EPHB1: variants seen among roughly 807,000 people sequenced by gnomAD.
EPHB1 encodes EPH receptor B1.
EPHB1 carries 30 observed loss-of-function variants against 94.4 expected under a neutral mutation model. The observed-to-expected ratio is 0.32, with a 90% CI of 0.24 to 0.43. EPHB1 has a LOEUF of 0.43. Among genes scored for constraint, EPHB1 ranks in the 20% least tolerant of loss-of-function variants. The pLI is 1.00. For missense variants in EPHB1, 1,055 were observed against 1,308.3 expected, an observed-to-expected ratio of 0.81 and a Z score of 2.99; for synonymous variants, 522 against 489.1, an observed-to-expected ratio of 1.07 and a Z score of -0.89.
At chr3:135,097,575 G>A (rs17765097) in intron 3 of EPHB1, among the ~76,000 whole-genome samples, 50,527 of 152,050 alleles carry the variant, frequency 0.33, 8,838 homozygotes, top group South Asian at 0.42. Context: ...ACTTCCATGC[G>A]GATGCATTCT....
At chr3:135,197,460 T>G (rs553649493) in intron 11 of EPHB1, among the ~76,000 whole-genome samples, 25 of 152,346 alleles carry the variant, frequency 1.6e-4, no homozygotes, top group Admixed American at 1.2e-3. Flanking sequence ...GCAAACCTGT[T>G]AACTCAATTT....
rs369398582 is a variant in EPHB1 at position 134,916,387 on chromosome 3, C to T, written c.59-9429C>T. Among the ~76,000 whole-genome samples the T allele has an allele frequency of 7.2e-5, 11 of 152,224 alleles. No individual in the cohort carries two copies. The East Asian group carries it at 7.7e-4, about 11-fold the overall frequency. On this transcript the variant is annotated intron_variant, in intron 1 of 15. Coordinates refer to ENST00000398015, the MANE Select transcript of EPHB1 (RefSeq NM_004441.5). ...TCAGCCCTTGGGCGGTCGATGGGAC[C>T]GGACACCGTGGAGCAGGGGGCGGTG...
At chr3:135,030,131 T>G (rs1009345281) in intron 3 of EPHB1, among the ~76,000 whole-genome samples, 4 of 151,704 alleles carry the variant, frequency 2.6e-5, no homozygotes, top group African/African-American at 4.9e-5. Flanking sequence ...TCTTCTAAAT[T>G]TTTTTCAAAG....
chr3:135,243,594 C>T (rs1385807117), intron 13 of EPHB1, among the ~76,000 whole-genome samples: 1 of 152,224 alleles, frequency 6.6e-6, no homozygotes, highest in Admixed American at 6.5e-5. Context: ...AAGCTTCTTA[C>T]AACCTGGCCT....
chr3:134,795,834 C>T (rs534435470), intron 1 of EPHB1, 145 bp downstream of exon 1: 10 of 952,426 alleles, frequency 1.0e-5, no homozygotes, highest in Middle Eastern at 2.8e-4. Flanking sequence ...GAGCCTCGGC[C>T]GCTGCCGAGC....
intron 3 of EPHB1, among the ~76,000 whole-genome samples, chr3:135,059,802 A>T (rs1937443546): frequency 6.6e-6 from 1 of 152,042 alleles, no homozygotes; most frequent in African/African-American, 2.4e-5. Flanking sequence ...ATGGGTTCTG[A>T]CTCCAGTTCT....
In EPHB1 at chr3:134,842,740, G is replaced by C. The variant is rs368681778; in HGVS notation, c.58+47051G>C. 9.3e-4 allele frequency among the ~76,000 whole-genome samples: 142 copies of C among 152,190 alleles called. 1 individual carries two copies. The South Asian group carries it at 0.028, about 30-fold the overall frequency. On this transcript the variant is annotated intron_variant, in intron 1 of 15. Coordinates refer to ENST00000398015, the MANE Select transcript of EPHB1 (RefSeq NM_004441.5). ...TTGATTGTTCAATTCTCTTTGCCTG[G>C]AGTGCTTTTCCCACTGTTTCCATCT...
chr3:135,179,127 T>A (rs1332945962), intron 9 of EPHB1, among the ~76,000 whole-genome samples: 5 of 152,200 alleles, frequency 3.3e-5, no homozygotes, highest in African/African-American at 1.2e-4. Context: ...TATATATCAG[T>A]GACAAGGTCT....
chr3:134,799,960 C>T (rs1339045803), intron 1 of EPHB1, among the ~76,000 whole-genome samples: 1 of 152,074 alleles, frequency 6.6e-6, no homozygotes, highest in Non-Finnish European at 1.5e-5. Flanking sequence ...ATGTGTGCTT[C>T]CTATTTAGTA....
intron 5 of EPHB1, among the ~76,000 whole-genome samples, chr3:135,137,640 C>A (rs1030369972): frequency 5.9e-5 from 9 of 152,260 alleles, no homozygotes; most frequent in Admixed American, 5.9e-4. Context: ...CTGGCAAGAT[C>A]CCTCATTTCT....
At chr3:135,244,741 A>C (rs183156338) in intron 13 of EPHB1, among the ~76,000 whole-genome samples, 2 of 152,342 alleles carry the variant, frequency 1.3e-5, no homozygotes, top group Non-Finnish European at 2.9e-5. Context: ...ACTAAATTTT[A>C]TTGCTCAGAA....
At chr3:135,243,906 C>T (rs1421977921) in intron 13 of EPHB1, among the ~76,000 whole-genome samples, 1 of 152,160 alleles carries the variant, frequency 6.6e-6, no homozygotes, top group East Asian at 1.9e-4. Context: ...ATTGAAACAT[C>T]AGAGCTTGAC....
intron 15 of EPHB1, among the ~76,000 whole-genome samples, chr3:135,257,514 C>A (rs139579468): frequency 6.6e-6 from 1 of 152,044 alleles, no homozygotes; most frequent in South Asian, 2.1e-4. Flanking sequence ...GGGGTGCCTC[C>A]CAGTTAGGTT....
At position 135,141,188 on chromosome 3, in the gene EPHB1, C is replaced by T. The variant is rs183067444; in HGVS notation, c.1297+8139C>T. The stretch of plus-strand genomic sequence containing the variant: ...TTCTCTTTTTTGATGGAAGAGCAAA[C>T]GCTTTCACCATTCAGAACAGCTTGG... On this transcript the variant is annotated intron_variant, in intron 5 of 15. Transcript: ENST00000398015. 9.1e-5 allele frequency among the ~76,000 whole-genome samples: 13 copies of T among 142,950 alleles called. No individual in the cohort carries two copies. The South Asian group carries it at 1.7e-3, about 19-fold the overall frequency. 93.8% of individuals were successfully genotyped at this position (142,950 alleles called of 152,430 possible). A position where few individuals can be genotyped will look rare whatever the true frequency, so the allele number is the denominator to read the frequency against.
At chr3:134,886,223 G>C (rs996187456) in intron 1 of EPHB1, among the ~76,000 whole-genome samples, 7 of 152,134 alleles carry the variant, frequency 4.6e-5, no homozygotes, top group Non-Finnish European at 8.8e-5. Flanking sequence ...GTGTGGTCCT[G>C]TTCACGTGTC....
At chr3:135,079,431 G>T (rs887682380) in intron 3 of EPHB1, among the ~76,000 whole-genome samples, 12 of 152,168 alleles carry the variant, frequency 7.9e-5, no homozygotes, top group South Asian at 2.1e-4. Flanking sequence ...TTTAAATGGA[G>T]CCCATGCCTC....
intron 3 of EPHB1, among the ~76,000 whole-genome samples, chr3:134,952,986 G>C (rs963918746): frequency 1.3e-5 from 2 of 152,146 alleles, no homozygotes; most frequent in Admixed American, 1.3e-4. Flanking sequence ...AGCCTTCAAA[G>C]GTCCTGATTC....
chr3:135,241,030 C>CATA, intron 12 of EPHB1, 118 bp from the exon 13 acceptor site: 1 of 1,230,714 alleles, frequency 8.1e-7, no homozygotes, highest in Non-Finnish European at 1.2e-6. Context: ...GCCTGTCTGT[C>CATA]ATAATTCACA....
chr3:134,966,082 G>A (rs954751907), intron 3 of EPHB1, among the ~76,000 whole-genome samples: 1 of 152,220 alleles, frequency 6.6e-6, no homozygotes, highest in African/African-American at 2.4e-5. Flanking sequence ...GGTACACAGA[G>A]GGGCAAGGGA....
Sources: allele counts gnomAD v4.1 joint callset (sites outside exome capture counted in the v4.1 genomes callset), GRCh38; gene constraint gnomAD v4.1.1; transcripts MANE v1.5; gene names NCBI Gene and HGNC (gene_info 2026-07-23, HGNC 2026-07-21).